EP400: variants seen among roughly 807,000 people sequenced by gnomAD.
EP400 encodes the protein E1A-binding protein p400.
A neutral mutation model predicts 354.1 loss-of-function variants in EP400; 105 were observed. The ratio of observed to expected loss-of-function variants is 0.30; its 90% confidence interval spans 0.25 to 0.35. The LOEUF (loss-of-function observed/expected upper bound fraction) is 0.35, where lower values mean the gene tolerates loss of function less well. Ranked by LOEUF, EP400 falls within the 10% of genes least tolerant of loss-of-function variation. The pLI is 1.00. For synonymous variants in EP400, 1,646 were observed against 1,716.9 expected (o/e 0.96, Z 1.02); for missense variants, 3,280 against 4,121.0 (o/e 0.80, Z 5.59).
chr12:132,024,190 G>T (rs1172540470), intron 24 of EP400, among the ~76,000 whole-genome samples: 2 of 152,198 alleles, frequency 1.3e-5, no homozygotes, highest in Non-Finnish European at 2.9e-5. Flanking sequence ...GCTTTGAAGA[G>T]AGTTTCGTAT....
At chr12:131,953,597 A>G (rs745900354) in intron 1 of EP400, among the ~76,000 whole-genome samples, 3 of 152,246 alleles carry the variant, frequency 2.0e-5, no homozygotes, top group Non-Finnish European at 4.4e-5. Flanking sequence ...AATTCAGTTT[A>G]GCCCACTTGG....
intron 45 of EP400, among the ~76,000 whole-genome samples, chr12:132,055,714 G>T (rs1895481142): frequency 6.7e-6 from 1 of 149,958 alleles, no homozygotes; most frequent in African/African-American, 2.5e-5. Context: ...GTGTGTGTGT[G>T]TGTGAAGTGT....
chr12:131,961,366 C>T lies in EP400; in HGVS notation c.747C>T (p.Gly249=), dbSNP rs1891877244. The T allele has an allele frequency of 7.2e-7, 1 of 1,397,328 alleles. No individual in the cohort carries two copies. Among genetic ancestry groups the T allele is most frequent in the Non-Finnish European group, 9.8e-7 (1 of 1,015,352 alleles). 86.6% of individuals were successfully genotyped at this position (1,397,328 alleles called of 1,614,324 possible). A position where few individuals can be genotyped will look rare whatever the true frequency, so the allele number is the denominator to read the frequency against. Residue 249 remains glycine (G), a synonymous_variant, in exon 2 of 53, where the codon GGC becomes GGT. Transcript: ENST00000389561. ...PQSPAAAGGA[G]LQPLASPSHI... ...GCCCTGCAGCCGCGGGTGGGGCCGG[C>T]CTGCAGCCCCTGGCCAGCCCAAGCC...
At chr12:131,981,968 C>T in intron 4 of EP400, 125 bp from the exon 5 acceptor site, 4 of 1,296,290 alleles carry the variant, frequency 3.1e-6, no homozygotes, top group Non-Finnish European at 4.2e-6. Context: ...TTGTGGCCAA[C>T]TTCTCGTGTG....
At chr12:132,032,977 C>T (rs1001292308) in intron 30 of EP400, among the ~76,000 whole-genome samples, 8 of 151,480 alleles carry the variant, frequency 5.3e-5, no homozygotes, top group East Asian at 3.9e-4. Context: ...GACGGAGTTT[C>T]GCTCTTGTTA....
At chr12:132,042,717 A>G (rs1894955467) in intron 32 of EP400, among the ~76,000 whole-genome samples, 1 of 152,236 alleles carries the variant, frequency 6.6e-6, no homozygotes, top group Non-Finnish European at 1.5e-5. Context: ...GCTAGTAACT[A>G]TAGATGTGTG....
chr12:131,956,847 C>G (rs1381564264), intron 1 of EP400, among the ~76,000 whole-genome samples: 1 of 147,548 alleles, frequency 6.8e-6, no homozygotes, highest in Non-Finnish European at 1.5e-5. Flanking sequence ...ATGCTTTTCT[C>G]CTTTTGTGAA....
intron 10 of EP400, 118 bp downstream of exon 10, chr12:131,991,574 T>TTA: frequency 4.3e-6 from 4 of 934,672 alleles, no homozygotes; most frequent in Non-Finnish European, 4.9e-6. Context: ...TTCCTTTCTT[T>TTA]TCTTTTTTTT....
Position 132,029,297 on chromosome 12 carries a change from T to A in EP400, c.5382-404T>A, listed in dbSNP as rs1260367788. On this transcript the variant is annotated intron_variant, in intron 27 of 52. Transcript: ENST00000389561. The surrounding 1 kb of genome is among the most constrained non-coding windows in gnomAD (Gnocchi z 4.7). ...CATTGTCCTGAAGGCTCCTTCACCC[T>A]GAGTCTGGCCCCCGTCCTGGTGGCA... 1 of 205,072 alleles carries A rather than the reference T, an allele frequency of 4.9e-6. No homozygotes were observed. Among genetic ancestry groups the A allele is most frequent in the African/African-American group, 2.3e-5 (1 of 43,286 alleles). 12.7% of individuals were successfully genotyped at this position (205,072 alleles called of 1,614,324 possible).
rs1413396544 is a variant in EP400 at position 132,044,305 on chromosome 12, C to T, written c.6579C>T (p.Tyr2193=). 6 of 1,613,182 alleles carry T rather than the reference C, an allele frequency of 3.7e-6. No individual in the cohort carries two copies. The highest frequency in any genetic ancestry group is 2.2e-5 in the East Asian group (1 of 44,864). ...TGACCTACACGCGAGAGGATGCCTA[C>T]AGCATGGTACCCGGCCCGGGGCCCT... ...ELLTYTREDA[Y]SMEYVYEDVD... is the part of the protein sequence containing the mutation. The change falls in exon 35 of 53, where the codon TAC becomes TAT. Residue 2193 remains tyrosine (Y), a synonymous_variant. Coordinates refer to ENST00000389561, the MANE Select transcript of EP400 (RefSeq NM_015409.5).
At chr12:131,989,895 G>A (rs2136502700) in intron 7 of EP400, 69 bp from the exon 8 acceptor site, 1 of 1,574,982 alleles carries the variant, frequency 6.3e-7, no homozygotes, top group East Asian at 2.3e-5. Flanking sequence ...TTTAAAAAAA[G>A]TTACATATCC....
Position 132,027,403 on chromosome 12 carries a change from G to A in EP400, c.5015-34G>A, listed in dbSNP as rs372842310. Reference sequence around the variant, plus strand: ...TCAGATGAAATCCTGTGAACTTGGCGTTCCTTTTCACCTCTTCCTTTATGC... The same window carrying A: ...TCAGATGAAATCCTGTGAACTTGGCATTCCTTTTCACCTCTTCCTTTATGC... On this transcript the variant is annotated intron_variant, in intron 25 of 52. Coordinates refer to ENST00000389561, the MANE Select transcript of EP400 (RefSeq NM_015409.5). The surrounding 1 kb of genome is among the most constrained non-coding windows in gnomAD (Gnocchi z 4.9). 2.2e-5 allele frequency: 35 copies of A among 1,609,246 alleles called. No homozygotes were observed. The highest frequency in any genetic ancestry group is 2.8e-5 in the Non-Finnish European group (33 of 1,175,908).
rs934777503 is a variant in EP400 at position 132,029,873 on chromosome 12, C to T, written c.5554C>T (p.Pro1852Ser). ...QTTAPRLLQF[P>S]ELRLVQFDSG... ...CACGGCTCCACGCCTGCTGCAGTTCCCTGAGCTGAGGCTGGTGCAGTTCGA... is the reference window on the plus strand; with the variant it reads ...CACGGCTCCACGCCTGCTGCAGTTCTCTGAGCTGAGGCTGGTGCAGTTCGA... The change falls in exon 28 of 53, where the codon CCT becomes TCT. Residue 1852 changes from proline (P) to serine (S), a missense_variant. Physicochemically the swap from Pro to Ser is moderately conservative, Grantham distance 74. Around this residue, in one of 20 missense-constraint regions of EP400, gnomAD observed 459 missense variants for 496.9 expected, o/e 0.92. Transcript: ENST00000389561. This position sits in a 1 kb window ranked among gnomAD's most constrained non-coding sequence, Gnocchi z 4.7. 2.0e-5 allele frequency: 33 copies of T among 1,612,850 alleles called. No individual in the cohort carries two copies. Among genetic ancestry groups the T allele is most frequent in the Non-Finnish European group, 2.7e-5 (32 of 1,180,008 alleles).
In EP400 at chr12:131,982,861, T is replaced by C. The variant is rs2136492921; in HGVS notation, c.1929+383T>C. Among the ~76,000 whole-genome samples, 2 of 152,036 alleles carry C rather than the reference T, an allele frequency of 1.3e-5. 1 individual carries two copies. On this transcript the variant is annotated intron_variant, in intron 5 of 52. Coordinates refer to ENST00000389561, the MANE Select transcript of EP400 (RefSeq NM_015409.5). ...GGCAAGTGCCTGTAGTCCAAGCTAC[T>C]TCAAAGGCTTAGGCAGGAGAATCAC...
chr12:132,032,490 G>A (rs563859075), intron 30 of EP400, among the ~76,000 whole-genome samples: 2 of 152,276 alleles, frequency 1.3e-5, no homozygotes, highest in Admixed American at 1.3e-4. Flanking sequence ...GGTACCTCTT[G>A]CAGAGTATCT....
chr12:131,979,696 G>A lies in EP400; in HGVS notation c.1338G>A (p.Gln446=), dbSNP rs764666481. 4.4e-6 allele frequency: 7 copies of A among 1,602,472 alleles called. No individual in the cohort carries two copies. Among genetic ancestry groups the A allele is most frequent in the Non-Finnish European group, 6.0e-6 (7 of 1,175,430 alleles). Residue 446 remains glutamine (Q), a splice_region_variant and synonymous_variant, in exon 3 of 53, where the codon CAG becomes CAA. Transcript: ENST00000389561. ...CATTTTTTCATCTTTTTTCCCAGCA[G>A]CAAGCCCTCGCAGGGAGCCTGGTAG... is the stretch of plus-strand genomic sequence containing the variant. ...EEKSEVINDE[Q]QALAGSLVAG...
rs1894290894 is a variant in EP400, at chr12:132,025,939, T to G, written c.5014+135T>G. 1 of 1,081,498 alleles carries G rather than the reference T, an allele frequency of 9.2e-7. No individual in the cohort carries two copies. The highest frequency in any genetic ancestry group is 2.1e-5 in the South Asian group (1 of 47,154). The allele number at this position is 1,081,498 out of a possible 1,614,324, so 67.0% of individuals were successfully genotyped here. ...GTCTAGTGTGTGGCCATCTCTGATT[T>G]CTATAGATGTGTCCTAGTGTCAGCC... On this transcript the variant is annotated intron_variant, in intron 25 of 52. Transcript: ENST00000389561. The surrounding 1 kb of genome is among the most constrained non-coding windows in gnomAD (Gnocchi z 4.1).
intron 32 of EP400, among the ~76,000 whole-genome samples, chr12:132,039,151 C>T (rs954085357): frequency 2.0e-5 from 3 of 152,064 alleles, no homozygotes; most frequent in African/African-American, 7.2e-5. Context: ...GGTGCTGTCT[C>T]CTCTTCCATT....
intron 32 of EP400, among the ~76,000 whole-genome samples, chr12:132,039,633 C>T (rs1894830564): frequency 6.6e-6 from 1 of 152,222 alleles, no homozygotes; most frequent in Non-Finnish European, 1.5e-5. Flanking sequence ...TGTATCATTT[C>T]CTTTGCACAG....
Sources: gnomAD v4.1 joint callset for allele counts (sites outside exome capture counted in the v4.1 genomes callset) on GRCh38, gnomAD v4.1.1 for gene constraint, gnomAD v4.1.1 regional missense constraint, Gnocchi (gnomAD v3.1) non-coding constraint, MANE v1.5 for transcripts, NCBI Gene and HGNC (gene_info 2026-07-23, HGNC 2026-07-21) for gene names.